The following ZDHHC18 variants were observed in gnomAD, a reference collection of about 807,000 sequenced individuals.
ZDHHC18 encodes the protein zDHHC palmitoyltransferase 18, also known as palmitoyltransferase ZDHHC18.
A neutral mutation model predicts 37.5 loss-of-function variants in ZDHHC18; 23 were observed. That is an observed-to-expected ratio of 0.61 (90% CI 0.44 to 0.87). The LOEUF is 0.87. Among genes scored for constraint, ZDHHC18 ranks in the 40% least tolerant of loss-of-function variants. The probability of loss-of-function intolerance (pLI) is 0.00; values close to 1 mark genes in which losing one functional copy is unlikely to be tolerated. For missense variants in ZDHHC18, 406 were observed against 525.6 expected, an observed-to-expected ratio of 0.77 and a Z score of 2.22; for synonymous variants, 185 against 218.7, an observed-to-expected ratio of 0.85 and a Z score of 1.36.
At chr1:26,839,892 T>C (rs1161296959) in intron 2 of ZDHHC18, among the ~76,000 whole-genome samples, 1 of 152,182 alleles carries the variant, frequency 6.6e-6, no homozygotes, top group African/African-American at 2.4e-5. Context: ...ATGGGAGAGC[T>C]GCTTGTCTTC....
rs1194390905 is a variant in ZDHHC18 at position 26,832,476 on chromosome 1, TTGCCATCCCCATCATCGC to T, written c.374_391del (p.Pro125_Ile130del). On this transcript the variant is annotated inframe_deletion, in exon 2 of 8. Coordinates refer to ENST00000374142, the MANE Select transcript of ZDHHC18 (RefSeq NM_032283.3). ...CCCTACCTGGCTCGCAAGCTGACCC[TTGCCATCCCCATCATCGC>T]TGCCATCCTCTTCTTCTTCGTCATG... 1 of 1,614,146 alleles carries T rather than the reference TTGCCATCCCCATCATCGC, an allele frequency of 6.2e-7. No homozygotes were observed. Among genetic ancestry groups the T allele is most frequent in the East Asian group, 2.2e-5 (1 of 44,874 alleles).
intron 2 of ZDHHC18, among the ~76,000 whole-genome samples, chr1:26,839,942 C>G (rs1010468244): frequency 6.6e-6 from 1 of 152,214 alleles, no homozygotes; most frequent in Non-Finnish European, 1.5e-5. Flanking sequence ...CTCCTTTGTC[C>G]CAACTCTGGC....
chr1:26,849,551 C>T (rs1287743066), intron 3 of ZDHHC18, among the ~76,000 whole-genome samples: 2 of 152,262 alleles, frequency 1.3e-5, no homozygotes, highest in Non-Finnish European at 2.9e-5. Context: ...GCCCCGCCCA[C>T]GCCGTGCAAA....
intron 2 of ZDHHC18, among the ~76,000 whole-genome samples, chr1:26,838,817 C>T (rs1253136771): frequency 6.6e-6 from 1 of 152,254 alleles, no homozygotes; most frequent in Non-Finnish European, 1.5e-5. Flanking sequence ...CCTGTATCCA[C>T]AGGCCTAGCA....
intron 7 of ZDHHC18, 184 bp downstream of exon 7, chr1:26,853,049 G>GA (rs896698711): frequency 9.0e-3 from 4,574 of 508,390 alleles, no homozygotes; most frequent in South Asian, 0.011. Context: ...GCTCATTGTA[G>GA]AAAAAAAAAA....
At chr1:26,846,197 C>T (rs1302546939) in intron 2 of ZDHHC18, among the ~76,000 whole-genome samples, 2 of 66,316 alleles carry the variant, frequency 3.0e-5, no homozygotes, top group Non-Finnish European at 5.3e-5. Context: ...TATATACATA[C>T]ATATATACAC....
chr1:26,846,451 C>T (rs1470650348), intron 2 of ZDHHC18, among the ~76,000 whole-genome samples: 4 of 147,748 alleles, frequency 2.7e-5, no homozygotes, highest in Non-Finnish European at 3.0e-5. Flanking sequence ...CTCAGCCTCC[C>T]GAGTAGCTGG....
In ZDHHC18 at chr1:26,828,448, A is replaced by G. The variant is rs771472189; in HGVS notation, c.335+1309A>G. 1.5e-4 allele frequency among the ~76,000 whole-genome samples: 23 copies of G among 152,068 alleles called. No homozygotes were observed. The Middle Eastern group carries it at 0.014, about 90-fold the overall frequency. On this transcript the variant is annotated intron_variant, in intron 1 of 7. Transcript: ENST00000374142. ...GTAAGGTTGTCCTGAGGGTGGCATG[A>G]GGTCACACATGCAAGCTTTTAGCCC...
At chr1:26,831,024 C>G (rs1450607043) in intron 1 of ZDHHC18, among the ~76,000 whole-genome samples, 1 of 152,152 alleles carries the variant, frequency 6.6e-6, no homozygotes, top group African/African-American at 2.4e-5. Flanking sequence ...CTCAGGTATC[C>G]GCCCACCTCA....
chr1:26,855,294 GA>G lies in ZDHHC18; in HGVS notation c.*1455del. On this transcript the variant is annotated 3_prime_UTR_variant, in exon 8 of 8. Coordinates refer to ENST00000374142, the MANE Select transcript of ZDHHC18 (RefSeq NM_032283.3). Reference sequence around the variant, plus strand: ...TGCCAAACGGGGACCTCCATCCAGAGAAAAGGAAGAAGGTGCAGGGTGGGCC... The same window carrying G: ...TGCCAAACGGGGACCTCCATCCAGAGAAAGGAAGAAGGTGCAGGGTGGGCC... 1 of 152,578 alleles carries G rather than the reference GA, an allele frequency of 6.6e-6. No homozygotes were observed. The highest frequency in any genetic ancestry group is 1.5e-5 in the Non-Finnish European group (1 of 68,160). 9.5% of individuals were successfully genotyped at this position (152,578 alleles called of 1,614,324 possible).
chr1:26,840,111 T>C (rs1297796957), intron 2 of ZDHHC18, among the ~76,000 whole-genome samples: 1 of 152,182 alleles, frequency 6.6e-6, no homozygotes, highest in Non-Finnish European at 1.5e-5. Flanking sequence ...GACCAGAACA[T>C]GCTTAGCAGT....
At chr1:26,839,167 G>A (rs1056583937) in intron 2 of ZDHHC18, among the ~76,000 whole-genome samples, 8 of 152,352 alleles carry the variant, frequency 5.3e-5, no homozygotes, top group East Asian at 3.9e-4. Flanking sequence ...ATTCAGTGAC[G>A]AGTAGCCTTG....
intron 2 of ZDHHC18, among the ~76,000 whole-genome samples, chr1:26,846,290 G>GTATATATATA (rs1557644428): frequency 1.3e-4 from 6 of 47,856 alleles, no homozygotes; most frequent in South Asian, 1.0e-3. Context: ...GTGTGTGTGT[G>GTATATATATA]TATATATATA....
intron 3 of ZDHHC18, among the ~76,000 whole-genome samples, chr1:26,849,962 A>T (rs1173671765): frequency 6.6e-6 from 1 of 152,228 alleles, no homozygotes; most frequent in Non-Finnish European, 1.5e-5. Flanking sequence ...GCATAAAAAC[A>T]CACATGGGCA....
chr1:26,831,175 G>A lies in ZDHHC18; in HGVS notation c.336-1272G>A, dbSNP rs147893181. ...TATACAGGAAAGAAAGAGCATTGAA[G>A]TTCACTGTGTACAGAGTTGTCAAGG... is the stretch of plus-strand genomic sequence containing the variant. On this transcript the variant is annotated intron_variant, in intron 1 of 7. Transcript: ENST00000374142. Among the ~76,000 whole-genome samples the A allele has an allele frequency of 1.3e-3, 192 of 152,322 alleles. 1 individual carries two copies. Among genetic ancestry groups the A allele is most frequent in the Non-Finnish European group, 2.4e-3 (164 of 68,024 alleles).
At chr1:26,842,746 C>A (rs1438875669) in intron 2 of ZDHHC18, among the ~76,000 whole-genome samples, 2 of 152,238 alleles carry the variant, frequency 1.3e-5, no homozygotes, top group Non-Finnish European at 2.9e-5. Flanking sequence ...ACAAAGTAAA[C>A]CTTTGGTAGT....
rs2081720602 is a variant in ZDHHC18 at position 26,853,970 on chromosome 1, A to G, written c.*127A>G. The stretch of plus-strand genomic sequence containing the variant: ...TCAAGTCTTTTCATATTTATTTCCC[A>G]TCCTGCGTGGCTTTCCCTGAACTGT... On this transcript the variant is annotated 3_prime_UTR_variant, in exon 8 of 8. Transcript: ENST00000374142. 1 of 877,748 alleles carries G rather than the reference A, an allele frequency of 1.1e-6. No individual in the cohort carries two copies. The highest frequency in any genetic ancestry group is 1.7e-5 in the African/African-American group (1 of 60,004). 54.4% of individuals were successfully genotyped at this position (877,748 alleles called of 1,614,324 possible).
intron 2 of ZDHHC18, among the ~76,000 whole-genome samples, chr1:26,845,536 T>C (rs1254075089): frequency 6.6e-6 from 1 of 151,540 alleles, no homozygotes; most frequent in Non-Finnish European, 1.5e-5. Flanking sequence ...TTTCACCATG[T>C]TGGCCAGGCT....
rs766736145 is a variant in ZDHHC18 at position 26,856,032 on chromosome 1, C to T, written c.*2189C>T. The T allele has an allele frequency of 2.0e-5, 7 of 343,024 alleles. No individual in the cohort carries two copies. The highest frequency in any genetic ancestry group is 6.3e-5 in the African/African-American group (3 of 47,434). 21.2% of individuals were successfully genotyped at this position (343,024 alleles called of 1,614,324 possible). ...CTTCTTCCCTACTGCCTTTCCACTC[C>T]GATCCCCAATGAGTGCCCAGCTAAG... On this transcript the variant is annotated 3_prime_UTR_variant, in exon 8 of 8. Transcript: ENST00000374142. This position sits in a 1 kb window ranked among gnomAD's most constrained non-coding sequence, Gnocchi z 5.2.
Sources: allele counts gnomAD v4.1 joint callset (sites outside exome capture counted in the v4.1 genomes callset), GRCh38; gene constraint gnomAD v4.1.1; non-coding constraint Gnocchi (gnomAD v3.1); transcripts MANE v1.5; gene names NCBI Gene and HGNC (gene_info 2026-07-23, HGNC 2026-07-21).